GALNT17: variants seen among roughly 807,000 people sequenced by gnomAD.
GALNT17 encodes polypeptide N-acetylgalactosaminyltransferase 17.
Under a neutral mutation model 63.7 loss-of-function variants are expected in GALNT17, and 29 were observed. The observed-to-expected ratio is 0.46, with a 90% CI of 0.34 to 0.62. GALNT17 has a LOEUF of 0.62. GALNT17 is among the 20% of genes least tolerant of loss of function. The pLI is 0.01. For synonymous variants in GALNT17, 305 were observed against 318.3 expected (o/e 0.96, Z 0.45); for missense variants, 603 against 799.6 (o/e 0.75, Z 2.97).
chr7:71,371,993 T>G (rs914350083), intron 2 of GALNT17, among the ~76,000 whole-genome samples: 29 of 152,192 alleles, frequency 1.9e-4, no homozygotes, highest in Non-Finnish European at 5.9e-5. Context: ...AGTTATTATG[T>G]TGTGTGTGAC....
intron 2 of GALNT17, among the ~76,000 whole-genome samples, chr7:71,340,682 G>A (rs914850937): frequency 2.6e-5 from 4 of 152,166 alleles, no homozygotes; most frequent in Non-Finnish European, 4.4e-5. Flanking sequence ...TAATGACTTA[G>A]GAGATCATAG....
intron 1 of GALNT17, among the ~76,000 whole-genome samples, chr7:71,247,607 C>T (rs755261757): frequency 3.3e-5 from 5 of 152,160 alleles, no homozygotes; most frequent in Admixed American, 6.5e-5. Context: ...CAGGCATGCG[C>T]CATCGTGTCT....
intron 6 of GALNT17, among the ~76,000 whole-genome samples, chr7:71,586,663 T>G (rs1789721746): frequency 1.4e-5 from 2 of 147,660 alleles, no homozygotes. Context: ...GAATCTATTT[T>G]ACCAAACCTA....
intron 5 of GALNT17, among the ~76,000 whole-genome samples, chr7:71,468,595 T>G (rs1327008698): frequency 2.0e-5 from 3 of 151,644 alleles, no homozygotes; most frequent in South Asian, 4.2e-4. Context: ...TTTTTTGTTT[T>G]TAGTAGAGCC....
At chr7:71,212,110 C>A (rs1017331802) in intron 1 of GALNT17, among the ~76,000 whole-genome samples, 1 of 152,200 alleles carries the variant, frequency 6.6e-6, no homozygotes. Context: ...ATCACAGGCC[C>A]AGAAGCCCAG....
chr7:71,702,557 A>G (rs1318557953), intron 9 of GALNT17, among the ~76,000 whole-genome samples: 1 of 152,218 alleles, frequency 6.6e-6, no homozygotes, highest in Admixed American at 6.5e-5. Context: ...GGAAGCTTCC[A>G]GAAGATTTTC....
At chr7:71,382,565 G>A (rs563647098) in intron 2 of GALNT17, among the ~76,000 whole-genome samples, 2 of 152,198 alleles carry the variant, frequency 1.3e-5, no homozygotes, top group South Asian at 2.1e-4. Flanking sequence ...AAGCCATGGG[G>A]GTCTGAGATA....
intron 1 of GALNT17, among the ~76,000 whole-genome samples, chr7:71,256,842 G>A (rs1459170482): frequency 2.0e-5 from 3 of 152,216 alleles, no homozygotes; most frequent in African/African-American, 7.2e-5. Flanking sequence ...GAATGAGAGA[G>A]GTAGGAGATG....
At chr7:71,339,261 G>C (rs551687566) in intron 2 of GALNT17, among the ~76,000 whole-genome samples, 18 of 152,334 alleles carry the variant, frequency 1.2e-4, no homozygotes, top group African/African-American at 4.3e-4. Context: ...TAGGGAGGAA[G>C]ACAGATATAC....
intron 1 of GALNT17, among the ~76,000 whole-genome samples, chr7:71,328,648 ATT>A (rs5884832): frequency 0.036 from 5,008 of 140,472 alleles, 145 homozygotes; most frequent in Middle Eastern, 0.052. Flanking sequence ...AATACCAGTG[ATT>A]TTTTTTTTTT....
At chr7:71,518,081 A>G (rs1562672935) in intron 5 of GALNT17, among the ~76,000 whole-genome samples, 1 of 152,186 alleles carries the variant, frequency 6.6e-6, no homozygotes, top group Admixed American at 6.5e-5. Flanking sequence ...GAGAAGAAAA[A>G]GAGGACAGGG....
At chr7:71,257,684 A>G (rs1256259800) in intron 1 of GALNT17, among the ~76,000 whole-genome samples, 3 of 152,184 alleles carry the variant, frequency 2.0e-5, no homozygotes, top group Non-Finnish European at 4.4e-5. Context: ...AAATGCCCCC[A>G]GTCCCTTCCA....
At position 71,569,569 on chromosome 7, in the gene GALNT17, G is replaced by A. The variant is rs147000184; in HGVS notation, c.963-1716G>A. ...CCTGCATTAATTTGTTTGTTAGCTC[G>A]GCCAGAAGATGCATTGCATTTTCAA... On this transcript the variant is annotated intron_variant, in intron 5 of 10. Coordinates refer to ENST00000333538, the MANE Select transcript of GALNT17 (RefSeq NM_022479.3). Among the ~76,000 whole-genome samples the A allele has an allele frequency of 1.6e-3, 241 of 152,212 alleles. 1 individual carries two copies. Among genetic ancestry groups the A allele is most frequent in the African/African-American group, 5.3e-3 (220 of 41,530 alleles).
At chr7:71,172,167 A>G (rs182003224) in intron 1 of GALNT17, among the ~76,000 whole-genome samples, 5 of 152,286 alleles carry the variant, frequency 3.3e-5, no homozygotes, top group African/African-American at 1.2e-4. Flanking sequence ...GTGTGTGTTC[A>G]TCATAACTAT....
rs575543701 is a variant in GALNT17, at chr7:71,657,549, A to C, written c.1081-7862A>C. 1.5e-3 allele frequency among the ~76,000 whole-genome samples: 227 copies of C among 152,192 alleles called. 1 individual carries two copies. Among genetic ancestry groups the C allele is most frequent in the Admixed American group, 3.3e-3 (51 of 15,292 alleles). Reference sequence around the variant, plus strand: ...GCCTGGGCAGTACCTGGCACCCTGCATCCTCATTTGTTGCCTGTGGCTCTT... The same window carrying C: ...GCCTGGGCAGTACCTGGCACCCTGCCTCCTCATTTGTTGCCTGTGGCTCTT... On this transcript the variant is annotated intron_variant, in intron 6 of 10. Coordinates refer to ENST00000333538, the MANE Select transcript of GALNT17 (RefSeq NM_022479.3).
intron 5 of GALNT17, among the ~76,000 whole-genome samples, chr7:71,477,967 G>A (rs910680060): frequency 2.0e-5 from 3 of 152,160 alleles, no homozygotes; most frequent in African/African-American, 7.2e-5. Context: ...TCCTTTCTTT[G>A]TTAAGAATCT....
intron 9 of GALNT17, among the ~76,000 whole-genome samples, chr7:71,681,865 T>G (rs964989020): frequency 3.3e-5 from 5 of 152,192 alleles, no homozygotes; most frequent in Non-Finnish European, 7.3e-5. Context: ...TCTAAGCAGT[T>G]ACATTTTGCT....
intron 6 of GALNT17, among the ~76,000 whole-genome samples, chr7:71,598,587 TAGG>T (rs750937228): frequency 6.6e-6 from 1 of 152,210 alleles, no homozygotes; most frequent in Non-Finnish European, 1.5e-5. Flanking sequence ...TAGAAAGACC[TAGG>T]AGATCCATCC....
intron 1 of GALNT17, among the ~76,000 whole-genome samples, chr7:71,315,429 A>G (rs1791483172): frequency 6.6e-6 from 1 of 152,108 alleles, no homozygotes; most frequent in Non-Finnish European, 1.5e-5. Flanking sequence ...TCCATGTTTC[A>G]CCTTTGGAGG....
Sources: gnomAD v4.1 joint callset for allele counts (sites outside exome capture counted in the v4.1 genomes callset) on GRCh38, gnomAD v4.1.1 for gene constraint, MANE v1.5 for transcripts, NCBI Gene and HGNC (gene_info 2026-07-23, HGNC 2026-07-21) for gene names.